Variants in UVRAG observed in about 807,000 individuals in gnomAD.
UVRAG encodes UV radiation resistance-associated gene protein.
Under a neutral mutation model 78.0 loss-of-function variants are expected in UVRAG, and 19 were observed. The observed-to-expected ratio is 0.24, with a 90% CI of 0.17 to 0.36. The LOEUF is 0.36. UVRAG is among the 10% of genes least tolerant of loss of function. UVRAG has a pLI of 1.00. For missense variants in UVRAG, 740 were observed against 853.8 expected (o/e 0.87, Z 1.66); for synonymous variants, 323 against 324.6 (o/e 1.00, Z 0.05).
chr11:76,010,996 A>AGGG (rs1311211649), intron 11 of UVRAG, among the ~76,000 whole-genome samples: 1 of 152,290 alleles, frequency 6.6e-6, no homozygotes. Flanking sequence ...AATGATTTGA[A>AGGG]GGGGGCAGTC....
At chr11:75,969,070 G>A (rs570814984) in intron 7 of UVRAG, among the ~76,000 whole-genome samples, 1 of 152,088 alleles carries the variant, frequency 6.6e-6, no homozygotes, top group Non-Finnish European at 1.5e-5. Flanking sequence ...AGAATGTCAT[G>A]CAACCATTAT....
At chr11:75,918,400 C>T (rs1947906972) in intron 6 of UVRAG, among the ~76,000 whole-genome samples, 1 of 150,128 alleles carries the variant, frequency 6.7e-6, no homozygotes, top group East Asian at 2.0e-4. Context: ...AAAAAAGATA[C>T]ATGAATTTTC....
chr11:75,901,591 G>A (rs1166624802), intron 5 of UVRAG, among the ~76,000 whole-genome samples: 1 of 150,936 alleles, frequency 6.6e-6, no homozygotes, highest in Non-Finnish European at 1.5e-5. Flanking sequence ...ACTTTCTCAA[G>A]TCAGAACATA....
At chr11:76,077,396 G>A (rs966736837) in intron 13 of UVRAG, among the ~76,000 whole-genome samples, 3 of 152,084 alleles carry the variant, frequency 2.0e-5, no homozygotes, top group Middle Eastern at 3.4e-3. Flanking sequence ...TAATGTCATT[G>A]ACTATGATTA....
intron 8 of UVRAG, among the ~76,000 whole-genome samples, chr11:75,987,369 A>G (rs1949520080): frequency 6.6e-6 from 1 of 152,126 alleles, no homozygotes; most frequent in African/African-American, 2.4e-5. Context: ...CTTACACCAG[A>G]TTTTCGTATG....
intron 6 of UVRAG, among the ~76,000 whole-genome samples, chr11:75,951,368 TTTTGTTTGTTTG>T: frequency 6.6e-6 from 1 of 150,406 alleles, no homozygotes; most frequent in East Asian, 1.9e-4. Flanking sequence ...TGTATATATT[TTTTGTTTGTTTG>T]TTTGTTTGTT....
At chr11:76,010,192 T>G (rs1370741126) in intron 11 of UVRAG, among the ~76,000 whole-genome samples, 2 of 152,196 alleles carry the variant, frequency 1.3e-5, no homozygotes, top group Admixed American at 6.5e-5. Flanking sequence ...AGTAAACATA[T>G]TGAGTACTTT....
chr11:76,112,152 C>T (rs1952082442), intron 13 of UVRAG, among the ~76,000 whole-genome samples: 1 of 151,974 alleles, frequency 6.6e-6, no homozygotes, highest in African/African-American at 2.4e-5. Context: ...TATGAAATTT[C>T]AGAATACTAA....
intron 13 of UVRAG, among the ~76,000 whole-genome samples, chr11:76,079,207 G>A (rs1951455239): frequency 6.6e-6 from 1 of 152,160 alleles, no homozygotes. Flanking sequence ...ATTCTTGCAA[G>A]GTGCAGTGGC....
intron 5 of UVRAG, among the ~76,000 whole-genome samples, chr11:75,902,388 C>T (rs576495658): frequency 1.3e-5 from 2 of 152,246 alleles, no homozygotes; most frequent in Non-Finnish European, 2.9e-5. Context: ...CAGTAGGGTT[C>T]GAGCTCCCAT....
intron 12 of UVRAG, among the ~76,000 whole-genome samples, chr11:76,019,687 C>G (rs1411350080): frequency 1.3e-5 from 2 of 152,180 alleles, no homozygotes; most frequent in Non-Finnish European, 2.9e-5. Flanking sequence ...TTTTCTCAGT[C>G]TCTCTCTCTA....
chr11:75,829,669 T>A (rs1240032654), intron 1 of UVRAG, among the ~76,000 whole-genome samples: 2 of 152,242 alleles, frequency 1.3e-5, no homozygotes, highest in Non-Finnish European at 2.9e-5. Context: ...ATAGTGAACA[T>A]GTTTCTGTCT....
chr11:76,080,080 A>G (rs915989230), intron 13 of UVRAG, among the ~76,000 whole-genome samples: 4 of 152,002 alleles, frequency 2.6e-5, no homozygotes, highest in African/African-American at 7.2e-5. Flanking sequence ...TTAGGAGCCC[A>G]CTCTTGTAGT....
intron 3 of UVRAG, among the ~76,000 whole-genome samples, chr11:75,878,753 C>T (rs866977218): frequency 8.5e-5 from 13 of 152,096 alleles, no homozygotes; most frequent in South Asian, 2.1e-4. Context: ...CGCAGGCACT[C>T]GGCAGGCTGA....
chr11:75,909,572 A>G (rs539390107), intron 5 of UVRAG, among the ~76,000 whole-genome samples: 3 of 152,266 alleles, frequency 2.0e-5, no homozygotes, highest in African/African-American at 7.2e-5. Flanking sequence ...AATGCTGTAA[A>G]AAGCTTTGCT....
chr11:75,912,153 G>A, intron 6 of UVRAG, 114 bp downstream of exon 6: 1 of 718,644 alleles, frequency 1.4e-6, no homozygotes, highest in Non-Finnish European at 2.3e-6. Context: ...TTCAAGCTTA[G>A]CATTTTTTAG....
At chr11:75,818,402 T>C (rs896256009) in intron 1 of UVRAG, among the ~76,000 whole-genome samples, 1 of 152,172 alleles carries the variant, frequency 6.6e-6, no homozygotes, top group Admixed American at 6.5e-5. Context: ...AATTGGAATG[T>C]CAGTTGTTAA....
At chr11:75,898,862 G>T (rs534145745) in intron 5 of UVRAG, among the ~76,000 whole-genome samples, 1 of 152,062 alleles carries the variant, frequency 6.6e-6, no homozygotes, top group Non-Finnish European at 1.5e-5. Context: ...TAAATAGGTG[G>T]TTATTTCCTC....
At chr11:76,054,491 T>G (rs538744069) in intron 12 of UVRAG, among the ~76,000 whole-genome samples, 1 of 152,316 alleles carries the variant, frequency 6.6e-6, no homozygotes, top group South Asian at 2.1e-4. Flanking sequence ...TGCTGTGACC[T>G]CCAGGACCCT....
Sources: gnomAD v4.1 joint callset for allele counts (sites outside exome capture counted in the v4.1 genomes callset) on GRCh38, gnomAD v4.1.1 for gene constraint, MANE v1.5 for transcripts, NCBI Gene and HGNC (gene_info 2026-07-23, HGNC 2026-07-21) for gene names.